DBH: variants seen among roughly 807,000 people sequenced by gnomAD.
The protein encoded by DBH is dopamine beta-hydroxylase (dopamine beta-monooxygenase).
DBH carries 49 observed loss-of-function variants against 64.0 expected under a neutral mutation model. The ratio of observed to expected loss-of-function variants is 0.77; its 90% confidence interval spans 0.61 to 0.97. DBH has a LOEUF of 0.97. Ranked by LOEUF, DBH falls within the 50% of genes least tolerant of loss-of-function variation. DBH has a pLI of 0.00. For synonymous variants in DBH, 343 were observed against 347.1 expected (o/e 0.99, Z 0.13); for missense variants, 828 against 826.6 (o/e 1.00, Z -0.02).
rs755089513 is a variant in DBH at position 133,652,284 on chromosome 9, G to A, written c.1374G>A (p.Pro458=). The A allele has an allele frequency of 1.6e-5, 26 of 1,613,202 alleles. No homozygotes were observed. The highest frequency in any genetic ancestry group is 1.2e-4 in the Admixed American group (7 of 60,002). The change falls in exon 8 of 12, where the codon CCG becomes CCA. Residue 458 remains proline (P), a splice_region_variant and synonymous_variant. Coordinates refer to ENST00000393056, the MANE Select transcript of DBH (RefSeq NM_000787.4). ...TGAAGAAGGTCGTGTCGGTCCATCC[G>A]GTGAGTGCCCAGCGGGAAGGCTGTC... The part of the protein sequence containing the change: ...RMLKKVVSVH[P]GDVLITSCTY...
chr9:133,645,189 G>A (rs902746008), intron 5 of DBH, among the ~76,000 whole-genome samples: 2 of 151,052 alleles, frequency 1.3e-5, no homozygotes, highest in African/African-American at 4.9e-5. Flanking sequence ...AAAGGCTCAC[G>A]CACAGAACTT....
chr9:133,647,707 G>C, intron 5 of DBH, 139 bp from the exon 6 acceptor site: 1 of 996,654 alleles, frequency 1.0e-6, no homozygotes, highest in Non-Finnish European at 1.5e-6. Context: ...GGTCTGCCTA[G>C]CAGGTGGGAG....
At chr9:133,647,285 A>G (rs1468389150) in intron 5 of DBH, among the ~76,000 whole-genome samples, 6 of 152,152 alleles carry the variant, frequency 3.9e-5, no homozygotes, top group African/African-American at 1.2e-4. Context: ...AGATACACTC[A>G]CACTTGCCCA....
At position 133,658,397 on chromosome 9, in the gene DBH, C is replaced by G. The variant is rs775827929; in HGVS notation, c.1804C>G (p.Arg602Gly). The change falls in exon 12 of 12, where the codon CGA becomes GGA. Residue 602 changes from arginine to glycine, a missense_variant. By Grantham distance (125) the Arg-to-Gly change is moderately radical. Coordinates refer to ENST00000393056, the MANE Select transcript of DBH (RefSeq NM_000787.4). Reference sequence around the variant, plus strand: ...CCCACAGTGCCCCACCAGCCAGGGCCGAAGCCCTGCTGGCCCCACCGTTGT... The same window carrying G: ...CCCACAGTGCCCCACCAGCCAGGGCGGAAGCCCTGCTGGCCCCACCGTTGT... ...PTPQCPTSQG[R>G]SPAGPTVVSI... 3 of 1,613,738 alleles carry G rather than the reference C, an allele frequency of 1.9e-6. No individual in the cohort carries two copies. The highest frequency in any genetic ancestry group is 2.2e-5 in the South Asian group (2 of 91,046).
chr9:133,652,832 C>T (rs1832267095), intron 8 of DBH, 108 bp from the exon 9 acceptor site: 2 of 789,484 alleles, frequency 2.5e-6, no homozygotes, highest in South Asian at 1.4e-5. Flanking sequence ...GGACTGTACC[C>T]CAGAGGTGCC....
At position 133,657,247 on chromosome 9, in the gene DBH, C is replaced by T. The variant is rs550270692; in HGVS notation, c.1722+18C>T. On this transcript the variant is annotated intron_variant, in intron 11 of 11. Transcript: ENST00000393056. ...GCTTCCAGGTGCGCTGCCATGGGCC[C>T]GGGTGGGGCATGCAGTCAGGCAGGC... 83 of 1,613,192 alleles carry T rather than the reference C, an allele frequency of 5.1e-5. 1 individual carries two copies. In the South Asian group the frequency reaches 5.2e-4, roughly 10 times the overall value.
At position 133,639,988 on chromosome 9, in the gene DBH, T is replaced by C. The variant is rs1832099312; in HGVS notation, c.482T>C (p.Ile161Thr). 7 of 1,613,824 alleles carry C rather than the reference T, an allele frequency of 4.3e-6. No individual in the cohort carries two copies. The highest frequency in any genetic ancestry group is 5.9e-6 in the Non-Finnish European group (7 of 1,179,986). ...FGTCDPKDYL[I>T]EDGTVHLVYG... ...ACCTGCGACCCCAAGGATTACCTCA[T>C]TGAAGTAAGGGGTGGCCGCGAGTAC... The change falls in exon 2 of 12, where the codon ATT (isoleucine) becomes ACT (threonine). Residue 161 changes from isoleucine (I) to threonine (T), a missense_variant. Coordinates refer to ENST00000393056, the MANE Select transcript of DBH (RefSeq NM_000787.4).
intron 1 of DBH, among the ~76,000 whole-genome samples, chr9:133,638,264 C>T (rs1162928536): frequency 6.6e-6 from 1 of 152,198 alleles, no homozygotes; most frequent in Non-Finnish European, 1.5e-5. Context: ...AACTTTCTGC[C>T]TCTGTTTAAA....
rs767747480 is a variant in DBH, at chr9:133,636,480, C to T, written c.109C>T (p.Leu37=). Residue 37 remains leucine (L), a synonymous_variant, in exon 1 of 12, where the codon CTG becomes TTG. Transcript: ENST00000393056. ...CTTCCTGGTCATCCTGGTGGCCGCACTGCAGGGCTCGGCTCCCCGTGAGAG... is the reference window on the plus strand; with the variant it reads ...CTTCCTGGTCATCCTGGTGGCCGCATTGCAGGGCTCGGCTCCCCGTGAGAG... ...AIFLVILVAA[L]QGSAPRESPL... The T allele has an allele frequency of 6.2e-7, 1 of 1,613,254 alleles. No individual in the cohort carries two copies. Among genetic ancestry groups the T allele is most frequent in the Non-Finnish European group, 8.5e-7 (1 of 1,179,928 alleles).
At chr9:133,642,499 G>A in intron 3 of DBH, 35 bp downstream of exon 3, 1 of 1,576,074 alleles carries the variant, frequency 6.3e-7, no homozygotes, top group Admixed American at 1.8e-5. Flanking sequence ...TCCTCGCCCA[G>A]CCCTGCCTTC....
At chr9:133,647,478 A>G (rs1193948459) in intron 5 of DBH, among the ~76,000 whole-genome samples, 1 of 152,216 alleles carries the variant, frequency 6.6e-6, no homozygotes. Context: ...CACAGAACTC[A>G]AGTTGTTTAC....
rs954879188 is a variant in DBH, at chr9:133,644,139, A to G, written c.922-79A>G. The G allele has an allele frequency of 1.7e-5, 18 of 1,052,220 alleles. No individual in the cohort carries two copies. In the African/African-American group the frequency reaches 2.8e-4, roughly 16 times the overall value. The allele number at this position is 1,052,220 out of a possible 1,614,324, so 65.2% of individuals were successfully genotyped here. A position where few individuals can be genotyped will look rare whatever the true frequency, so the allele number is the denominator to read the frequency against. Reference sequence around the variant, plus strand: ...CCACCCCTGAGGCTCAGGCCCCAACAGTTGACTGGGTTTGCCCCTGCCCAG... The same window carrying G: ...CCACCCCTGAGGCTCAGGCCCCAACGGTTGACTGGGTTTGCCCCTGCCCAG... On this transcript the variant is annotated intron_variant, in intron 4 of 11. Transcript: ENST00000393056.
chr9:133,650,466 TTTTCTTTC>T lies in DBH; in HGVS notation c.1192-1164_1192-1157del, dbSNP rs146236948. ...CCTTCTTTTCTTTCCTTTCTTTTCT[TTTTCTTTC>T]TTTTTCTTTTTCTTTCTTTTCTTTC... is the stretch of plus-strand genomic sequence containing the variant. On this transcript the variant is annotated intron_variant, in intron 6 of 11. Coordinates refer to ENST00000393056, the MANE Select transcript of DBH (RefSeq NM_000787.4). Among the ~76,000 whole-genome samples, 361 of 150,070 alleles carry T rather than the reference TTTTCTTTC, an allele frequency of 2.4e-3. 1 individual carries two copies. The highest frequency in any genetic ancestry group is 8.6e-3 in the African/African-American group (345 of 39,982).
At chr9:133,653,236 G>A (rs558445663) in intron 9 of DBH, among the ~76,000 whole-genome samples, 6 of 152,192 alleles carry the variant, frequency 3.9e-5, no homozygotes, top group East Asian at 1.9e-4. Flanking sequence ...CGGTGGCATC[G>A]GGCAATCCAT....
intron 5 of DBH, 64 bp from the exon 6 acceptor site, chr9:133,647,782 C>T (rs2131288705): frequency 1.9e-6 from 3 of 1,598,690 alleles, no homozygotes; most frequent in East Asian, 2.3e-5. Flanking sequence ...GATAATCTGT[C>T]CGCAGGGGGA....
chr9:133,656,964 G>GT (rs1280785138), intron 10 of DBH, 106 bp from the exon 11 acceptor site: 1 of 1,340,382 alleles, frequency 7.5e-7, no homozygotes, highest in African/African-American at 1.4e-5. Flanking sequence ...TGGCAGGACG[G>GT]TTGCCCCAGG....
In DBH at chr9:133,645,018, TTC is replaced by T. The variant is rs1032720306; in HGVS notation, c.1024+708_1024+709del. Among the ~76,000 whole-genome samples, 6 of 152,220 alleles carry T rather than the reference TTC, an allele frequency of 3.9e-5. No individual in the cohort carries two copies. The East Asian group carries it at 5.8e-4, about 15-fold the overall frequency. On this transcript the variant is annotated intron_variant, in intron 5 of 11. Coordinates refer to ENST00000393056, the MANE Select transcript of DBH (RefSeq NM_000787.4). ...AGAAGCACACACATGCACACACTTT[TTC>T]TCTCTCTCTGAATGGTGCTTCTTCT...
chr9:133,642,985 CA>C (rs1193456174), intron 3 of DBH, among the ~76,000 whole-genome samples: 2 of 152,140 alleles, frequency 1.3e-5, no homozygotes, highest in African/African-American at 4.8e-5. Context: ...GGTCACATAG[CA>C]AGAAGGGGCA....
chr9:133,658,067 T>G (rs1832358313), intron 11 of DBH, among the ~76,000 whole-genome samples: 1 of 150,788 alleles, frequency 6.6e-6, no homozygotes, highest in Non-Finnish European at 1.5e-5. Context: ...TTAAATTGGG[T>G]GGGGACAGAG....
Sources: allele counts gnomAD v4.1 joint callset (sites outside exome capture counted in the v4.1 genomes callset), GRCh38; gene constraint gnomAD v4.1.1; transcripts MANE v1.5; gene names NCBI Gene and HGNC (gene_info 2026-07-23, HGNC 2026-07-21).